SNX9: variants seen among roughly 807,000 people sequenced by gnomAD.
SNX9 encodes sorting nexin-9.
A neutral mutation model predicts 89.4 loss-of-function variants in SNX9; 44 were observed. The observed-to-expected ratio is 0.49, with a 90% CI of 0.39 to 0.63. The LOEUF (loss-of-function observed/expected upper bound fraction) is 0.63, where lower values mean the gene tolerates loss of function less well. Among genes scored for constraint, SNX9 ranks in the 30% least tolerant of loss-of-function variants. The pLI, the probability that SNX9 is intolerant of heterozygous loss-of-function variation, is 0.00. For synonymous variants in SNX9, 236 were observed against 247.8 expected, an observed-to-expected ratio of 0.95 and a Z score of 0.45; for missense variants, 578 against 736.1, an observed-to-expected ratio of 0.79 and a Z score of 2.49.
intron 1 of SNX9, among the ~76,000 whole-genome samples, chr6:157,842,848 A>G (rs759670465): frequency 6.6e-6 from 1 of 152,204 alleles, no homozygotes; most frequent in Non-Finnish European, 1.5e-5. Flanking sequence ...CAGAGGCTAC[A>G]TGACCCCGAA....
Position 157,936,060 on chromosome 6 carries a change from A to G in SNX9, c.1443+20A>G. The G allele has an allele frequency of 6.3e-7, 1 of 1,591,980 alleles. No homozygotes were observed. Among genetic ancestry groups the G allele is most frequent in the East Asian group, 2.2e-5 (1 of 44,556 alleles). On this transcript the variant is annotated intron_variant, in intron 14 of 17. Coordinates refer to ENST00000392185, the MANE Select transcript of SNX9 (RefSeq NM_016224.5). ...GAACAGGTACTAACATAATCACACA[A>G]TTCCAATTAAGATTTGTTGCTATCT...
At chr6:157,920,771 T>C (rs1783567342) in intron 9 of SNX9, among the ~76,000 whole-genome samples, 2 of 152,276 alleles carry the variant, frequency 1.3e-5, no homozygotes, top group South Asian at 4.1e-4. Flanking sequence ...TAGTTTTTGT[T>C]TGTAGGTTTA....
chr6:157,829,160 T>TTTTTTTTTTTTTTTTTTG (rs1781437602), intron 1 of SNX9: 1 of 151,848 alleles, frequency 6.6e-6, no homozygotes, highest in African/African-American at 2.4e-5. Context: ...TTATATTTTT[T>TTTTTTTTTTTTTTTTTTG]AAAACATAAT....
chr6:157,846,209 T>G (rs1265360348), intron 1 of SNX9, among the ~76,000 whole-genome samples: 1 of 152,268 alleles, frequency 6.6e-6, no homozygotes, highest in Non-Finnish European at 1.5e-5. Context: ...ATTCTTCCAT[T>G]TTTATGTAAT....
chr6:157,824,181 G>T (rs191203102), intron 1 of SNX9, among the ~76,000 whole-genome samples: 1 of 152,186 alleles, frequency 6.6e-6, no homozygotes, highest in Non-Finnish European at 1.5e-5. Context: ...GGCTAGGAGC[G>T]GTGGTTTGCT....
At chr6:157,902,185 AT>A (rs1783118788) in intron 6 of SNX9, 140 bp downstream of exon 6, 4 of 644,520 alleles carry the variant, frequency 6.2e-6, no homozygotes, top group Non-Finnish European at 6.7e-6. Flanking sequence ...AGTTATTTTT[AT>A]TTGGATCTTA....
At chr6:157,873,060 T>C (rs777413016) in intron 2 of SNX9, 42 bp from the exon 3 acceptor site, 1 of 1,503,606 alleles carries the variant, frequency 6.7e-7, no homozygotes, top group Admixed American at 2.1e-5. Context: ...AAATCTCAAC[T>C]GTAATCTTTT....
chr6:157,929,340 G>A lies in SNX9; in HGVS notation c.1288+638G>A, dbSNP rs1186535143. Among the ~76,000 whole-genome samples the A allele has an allele frequency of 2.0e-5, 3 of 152,232 alleles. No homozygotes were observed. In the East Asian group the frequency reaches 5.8e-4, roughly 29 times the overall value. ...AAATAGTCCCGTATCCAGCTGTAGG[G>A]CTAATGCCACGGGCTGCTGCCCTGT... is the stretch of plus-strand genomic sequence containing the variant. On this transcript the variant is annotated intron_variant, in intron 12 of 17. Coordinates refer to ENST00000392185, the MANE Select transcript of SNX9 (RefSeq NM_016224.5).
intron 10 of SNX9, chr6:157,924,336 C>CA (rs1562620020): frequency 6.6e-6 from 1 of 152,096 alleles, no homozygotes; most frequent in Non-Finnish European, 1.5e-5. Flanking sequence ...GGTGCCTGGG[C>CA]AGCTTTTCCC....
At chr6:157,840,294 G>A (rs73022638) in intron 1 of SNX9, among the ~76,000 whole-genome samples, 4,025 of 135,620 alleles carry the variant, frequency 0.03, 239 homozygotes, top group African/African-American at 0.047. Flanking sequence ...AAGAGGGGCT[G>A]CTCCCCAGGC....
chr6:157,941,067 T>G, intron 17 of SNX9, 93 bp downstream of exon 17: 1 of 1,139,138 alleles, frequency 8.8e-7, no homozygotes. Context: ...GTTTGTATTC[T>G]TTAATCCTAA....
At chr6:157,931,736 C>T (rs1783813790) in intron 12 of SNX9, among the ~76,000 whole-genome samples, 2 of 152,302 alleles carry the variant, frequency 1.3e-5, no homozygotes, top group Non-Finnish European at 2.9e-5. Context: ...GGAAAGGCTA[C>T]GTATTTGGAA....
At chr6:157,855,771 G>C (rs1426021290) in intron 1 of SNX9, among the ~76,000 whole-genome samples, 1 of 152,126 alleles carries the variant, frequency 6.6e-6, no homozygotes. Context: ...CGCTCTTGTT[G>C]CCCAGGCTGG....
intron 1 of SNX9, among the ~76,000 whole-genome samples, chr6:157,857,590 C>T (rs2115126424): frequency 6.6e-6 from 1 of 151,194 alleles, no homozygotes; most frequent in African/African-American, 2.4e-5. Flanking sequence ...TATCATGTTA[C>T]CTACGTTTCT....
chr6:157,843,364 GCAAA>G, intron 1 of SNX9, among the ~76,000 whole-genome samples: 1 of 152,162 alleles, frequency 6.6e-6, no homozygotes, highest in African/African-American at 2.4e-5. Flanking sequence ...GCCTTATAAC[GCAAA>G]CAGTTAACAC....
chr6:157,927,969 GC>G (rs1397247235), intron 11 of SNX9, among the ~76,000 whole-genome samples: 1 of 151,468 alleles, frequency 6.6e-6, no homozygotes, highest in Admixed American at 6.6e-5. Flanking sequence ...CTTCAACCAC[GC>G]AGAGAGAAAA....
Position 157,823,562 on chromosome 6 carries a change from G to C in SNX9, c.12+116G>C. On this transcript the variant is annotated intron_variant, in intron 1 of 17. Coordinates refer to ENST00000392185, the MANE Select transcript of SNX9 (RefSeq NM_016224.5). This position sits in a 1 kb window ranked among gnomAD's most constrained non-coding sequence, Gnocchi z 4.6. ...CCAGGGGTGGTCGAGGGGCCACTCC[G>C]CTTCCTCGGTGGAGTCCCCGGGCGG... 1 of 907,060 alleles carries C rather than the reference G, an allele frequency of 1.1e-6. No homozygotes were observed. The highest frequency in any genetic ancestry group is 1.4e-6 in the Non-Finnish European group (1 of 716,976). 56.2% of individuals were successfully genotyped at this position (907,060 alleles called of 1,614,324 possible). A position where few individuals can be genotyped will look rare whatever the true frequency, so the allele number is the denominator to read the frequency against.
chr6:157,844,609 T>TTTTTTTTTTTTTTTTTTTTC, intron 1 of SNX9, among the ~76,000 whole-genome samples: 1 of 150,708 alleles, frequency 6.6e-6, no homozygotes, highest in East Asian at 1.9e-4. Flanking sequence ...TGTTTTTTTT[T>TTTTTTTTTTTTTTTTTTTTC]TTGAGACAGA....
chr6:157,864,176 C>T (rs571580249), intron 1 of SNX9, among the ~76,000 whole-genome samples: 4 of 152,228 alleles, frequency 2.6e-5, no homozygotes, highest in Non-Finnish European at 1.5e-5. Context: ...TTGAGTGCTC[C>T]CTCCTCCAGG....
Sources: allele counts gnomAD v4.1 joint callset (sites outside exome capture counted in the v4.1 genomes callset), GRCh38; gene constraint gnomAD v4.1.1; non-coding constraint Gnocchi (gnomAD v3.1); transcripts MANE v1.5; gene names NCBI Gene and HGNC (gene_info 2026-07-23, HGNC 2026-07-21).